Variants in MARCHF1 observed in about 807,000 individuals in gnomAD.
MARCHF1 encodes the protein E3 ubiquitin-protein ligase MARCHF1.
Under a neutral mutation model 54.2 loss-of-function variants are expected in MARCHF1, and 40 were observed. That is an observed-to-expected ratio of 0.74 (90% CI 0.57 to 0.96). The LOEUF is 0.96. Ranked by LOEUF, MARCHF1 falls within the 40% of genes least tolerant of loss-of-function variation. The pLI, the probability that MARCHF1 is intolerant of heterozygous loss-of-function variation, is 0.00. For synonymous variants in MARCHF1, 236 were observed against 236.3 expected (o/e 1.00, Z 0.01); for missense variants, 586 against 656.5 (o/e 0.89, Z 1.17).
At chr4:164,010,767 T>C (rs6845222) in intron 2 of MARCHF1, among the ~76,000 whole-genome samples, 143,792 of 152,152 alleles carry the variant, frequency 0.95, 68,471 homozygotes, top group East Asian at 1. Flanking sequence ...AAAAAAAATC[T>C]TAAAATTTAT....
At chr4:164,015,389 T>C (rs1332567774) in intron 2 of MARCHF1, among the ~76,000 whole-genome samples, 3 of 152,140 alleles carry the variant, frequency 2.0e-5, no homozygotes, top group Non-Finnish European at 2.9e-5. Context: ...AGGACATTGA[T>C]GTGGGCAAAC....
chr4:164,181,595 A>G (rs10517802), intron 1 of MARCHF1, among the ~76,000 whole-genome samples: 22,241 of 152,176 alleles, frequency 0.15, 2,191 homozygotes, highest in African/African-American at 0.26. Context: ...ATTTATTTCC[A>G]TGACAGTTTT....
At chr4:163,548,442 C>G (rs560155370) in intron 8 of MARCHF1, among the ~76,000 whole-genome samples, 1 of 152,140 alleles carries the variant, frequency 6.6e-6, no homozygotes, top group African/African-American at 2.4e-5. Context: ...AAAAGTAAGG[C>G]TCCTCAAATA....
Position 164,171,194 on chromosome 4 carries a change from CTTTA to C in MARCHF1, c.-322-59536_-322-59533del, listed in dbSNP as rs1363079020. Among the ~76,000 whole-genome samples the C allele has an allele frequency of 3.9e-5, 4 of 103,138 alleles. No homozygotes were observed. The Admixed American group carries it at 4.5e-4, about 12-fold the overall frequency. The allele number at this position is 103,138 out of a possible 152,430, so 67.7% of individuals were successfully genotyped here. A position where few individuals can be genotyped will look rare whatever the true frequency, so the allele number is the denominator to read the frequency against. ...AGTACTTTTGTCCTTTTATGAACATCTTTATTTTATTATTTATTCCAATAATTCC... is the reference window on the plus strand; with the variant it reads ...AGTACTTTTGTCCTTTTATGAACATCTTTTATTATTTATTCCAATAATTCC... On this transcript the variant is annotated intron_variant, in intron 1 of 9. Coordinates refer to ENST00000514618, the MANE Select transcript of MARCHF1 (RefSeq NM_001394959.1).
chr4:163,910,787 A>G (rs565664945), intron 3 of MARCHF1, among the ~76,000 whole-genome samples: 2 of 152,288 alleles, frequency 1.3e-5, no homozygotes, highest in African/African-American at 4.8e-5. Context: ...GTGAGCCACC[A>G]CGCCCAGCCC....
intron 2 of MARCHF1, among the ~76,000 whole-genome samples, chr4:164,051,700 A>C (rs1257356677): frequency 6.6e-6 from 1 of 152,170 alleles, no homozygotes; most frequent in Non-Finnish European, 1.5e-5. Flanking sequence ...GCCAGCATTT[A>C]TCCTAGGTCT....
chr4:164,183,999 A>G (rs78795687), intron 1 of MARCHF1, among the ~76,000 whole-genome samples: 23,813 of 152,142 alleles, frequency 0.16, 2,648 homozygotes, highest in African/African-American at 0.3. Context: ...TTCGCTTTAG[A>G]ACATTCCAGC....
chr4:163,768,279 T>C (rs925185945), intron 4 of MARCHF1, among the ~76,000 whole-genome samples: 23 of 152,276 alleles, frequency 1.5e-4, no homozygotes, highest in African/African-American at 5.5e-4. Flanking sequence ...AACTGACACA[T>C]ATTCTCAGAT....
At chr4:164,358,637 A>G (rs1200145815) in intron 1 of MARCHF1, among the ~76,000 whole-genome samples, 8 of 152,186 alleles carry the variant, frequency 5.3e-5, no homozygotes, top group Admixed American at 5.2e-4. Context: ...GGTTCACTTC[A>G]GTAGTTTATC....
intron 2 of MARCHF1, among the ~76,000 whole-genome samples, chr4:164,053,710 A>G (rs1041489510): frequency 1.3e-5 from 2 of 152,172 alleles, no homozygotes; most frequent in Non-Finnish European, 2.9e-5. Context: ...AGGACATTTC[A>G]TTCAACCTCC....
chr4:164,259,848 T>C (rs1398971454), intron 1 of MARCHF1, among the ~76,000 whole-genome samples: 6 of 152,174 alleles, frequency 3.9e-5, no homozygotes, highest in Non-Finnish European at 8.8e-5. Context: ...CCATTTGCAG[T>C]TGTCTTTCTG....
intron 9 of MARCHF1, among the ~76,000 whole-genome samples, chr4:163,541,756 A>C (rs1426154009): frequency 6.6e-6 from 1 of 152,174 alleles, no homozygotes; most frequent in African/African-American, 2.4e-5. Context: ...GATGGATTTA[A>C]AATATGTTGA....
chr4:163,631,822 T>A lies in MARCHF1; in HGVS notation c.163-18429A>T, dbSNP rs12332042. ...AGGTAAAGAGATAAATCAGCCTACA[T>A]CAAAATTTTCAAAAACTGCGCATCA... On this transcript the variant is annotated intron_variant, in intron 5 of 9. Coordinates refer to ENST00000514618, the MANE Select transcript of MARCHF1 (RefSeq NM_001394959.1). Among the ~76,000 whole-genome samples, 896 of 152,246 alleles carry A rather than the reference T, an allele frequency of 5.9e-3. 17 individuals are homozygous for A. The highest frequency in any genetic ancestry group is 0.019 in the African/African-American group (797 of 41,560).
Position 163,935,673 on chromosome 4 carries a change from A to G in MARCHF1, c.-39+52828T>C, listed in dbSNP as rs139024938. Among the ~76,000 whole-genome samples the G allele has an allele frequency of 4.5e-3, 672 of 148,220 alleles. 5 individuals carry two copies. Among genetic ancestry groups the G allele is most frequent in the African/African-American group, 0.016 (645 of 40,196 alleles). Reference sequence around the variant, plus strand: ...ACCAGACCACTAAAACTTTCTCCATATCAACAACAAGGCTGTTTTGCTTGC... The same window carrying G: ...ACCAGACCACTAAAACTTTCTCCATGTCAACAACAAGGCTGTTTTGCTTGC... On this transcript the variant is annotated intron_variant, in intron 3 of 9. Transcript: ENST00000514618.
chr4:164,064,033 T>C (rs1268266998), intron 2 of MARCHF1, among the ~76,000 whole-genome samples: 1 of 152,252 alleles, frequency 6.6e-6, no homozygotes, highest in Non-Finnish European at 1.5e-5. Flanking sequence ...TCTGCTCTTG[T>C]ACCAGTACCA....
At chr4:163,534,465 C>G (rs1738464086) in intron 9 of MARCHF1, among the ~76,000 whole-genome samples, 1 of 151,940 alleles carries the variant, frequency 6.6e-6, no homozygotes, top group Admixed American at 6.6e-5. Flanking sequence ...CTTAATAAAA[C>G]TAGGAGAAAG....
intron 5 of MARCHF1, among the ~76,000 whole-genome samples, chr4:163,643,705 G>A (rs1374531828): frequency 6.6e-6 from 1 of 151,952 alleles, no homozygotes; most frequent in Non-Finnish European, 1.5e-5. Context: ...AATTTCCTAG[G>A]GGATGTTTTG....
intron 1 of MARCHF1, among the ~76,000 whole-genome samples, chr4:164,360,946 G>T (rs2110924606): frequency 7.0e-6 from 1 of 142,882 alleles, no homozygotes; most frequent in African/African-American, 2.5e-5. Flanking sequence ...CTACTGATAT[G>T]CATGGGTTCT....
chr4:164,289,862 C>T (rs977232992), intron 1 of MARCHF1, among the ~76,000 whole-genome samples: 1 of 151,980 alleles, frequency 6.6e-6, no homozygotes, highest in Non-Finnish European at 1.5e-5. Flanking sequence ...GCTCTAATCC[C>T]AGCCCATCTT....
Sources: allele counts gnomAD v4.1 joint callset (sites outside exome capture counted in the v4.1 genomes callset), GRCh38; gene constraint gnomAD v4.1.1; transcripts MANE v1.5; gene names NCBI Gene and HGNC (gene_info 2026-07-23, HGNC 2026-07-21).